HOMER2: variants seen among roughly 807,000 people sequenced by gnomAD.
HOMER2 encodes the protein homer scaffold protein 2.
A neutral mutation model predicts 47.0 loss-of-function variants in HOMER2; 27 were observed. That is an observed-to-expected ratio of 0.57 (90% CI 0.42 to 0.79). HOMER2 has a LOEUF of 0.79. Among genes scored for constraint, HOMER2 ranks in the 30% least tolerant of loss-of-function variants. The pLI, the probability that HOMER2 is intolerant of heterozygous loss-of-function variation, is 0.00. For synonymous variants in HOMER2, 161 were observed against 163.8 expected (o/e 0.98, Z 0.13); for missense variants, 443 against 435.0 (o/e 1.02, Z -0.16).
At chr15:82,842,512 C>T (rs1273582459) in exon 2 of HOMER2, 1 of 143,468 alleles carries the variant, frequency 7.0e-6, no homozygotes, top group Non-Finnish European at 1.5e-5. Flanking sequence ...TGGGGTTTCG[C>T]CATGTTATCC....
chr15:82,899,788 C>A (rs1416323487), intron 1 of HOMER2, among the ~76,000 whole-genome samples: 2 of 152,096 alleles, frequency 1.3e-5, no homozygotes, highest in Admixed American at 6.6e-5. Flanking sequence ...TTTAAGAGGC[C>A]AAGGTGGGCG....
chr15:82,864,789 G>T (rs907080097), intron 3 of HOMER2, among the ~76,000 whole-genome samples: 4 of 152,294 alleles, frequency 2.6e-5, no homozygotes, highest in Middle Eastern at 3.4e-3. Flanking sequence ...TATCTTAATA[G>T]TTCCATAATA....
At chr15:82,834,735 C>T (rs969865750), downstream of HOMER2, 1 of 152,506 alleles carries the variant, frequency 6.6e-6, no homozygotes, top group Admixed American at 6.5e-5. Context: ...ATTTGCAATG[C>T]ATTAGCATCA....
chr15:82,943,711 A>G (rs543019267), intron 1 of HOMER2, among the ~76,000 whole-genome samples: 2 of 152,352 alleles, frequency 1.3e-5, no homozygotes, highest in Admixed American at 1.3e-4. Context: ...ACCCACAGAC[A>G]AGATTACCCG....
At chr15:82,855,179 A>G (rs1302015107) in intron 5 of HOMER2, among the ~76,000 whole-genome samples, 1 of 152,036 alleles carries the variant, frequency 6.6e-6, no homozygotes, top group South Asian at 2.1e-4. Context: ...TACTAAAAAT[A>G]CAAAAAAATG....
At chr15:82,936,341 T>C (rs2054142966) in intron 1 of HOMER2, among the ~76,000 whole-genome samples, 1 of 152,236 alleles carries the variant, frequency 6.6e-6, no homozygotes. Context: ...TGGATCCATT[T>C]ACAGGTTGTG....
At chr15:82,900,341 T>C (rs2053074557) in intron 1 of HOMER2, among the ~76,000 whole-genome samples, 1 of 152,116 alleles carries the variant, frequency 6.6e-6, no homozygotes, top group Non-Finnish European at 1.5e-5. Context: ...CAAAAACTTC[T>C]GAGGCACACA....
intron 4 of HOMER2, 99 bp from the exon 5 acceptor site, chr15:82,859,234 A>G (rs2051693145): frequency 1.3e-6 from 2 of 1,579,152 alleles, no homozygotes; most frequent in Non-Finnish European, 1.7e-6. Flanking sequence ...GTTAGGCATA[A>G]TAAGAAACTT....
exon 2 of HOMER2, chr15:82,841,559 C>A (rs2051176517): frequency 6.6e-6 from 1 of 151,906 alleles, no homozygotes; most frequent in Non-Finnish European, 1.5e-5. Context: ...AAATAATGTA[C>A]AATATCAGCA....
At chr15:82,840,207 TAAG>T (rs1420365764) in exon 2 of HOMER2, 7 of 152,186 alleles carry the variant, frequency 4.6e-5, no homozygotes, top group East Asian at 3.9e-4. Flanking sequence ...GCATGTAACT[TAAG>T]AAGGTGGGAA....
At chr15:82,882,629 G>A (rs146407557) in intron 2 of HOMER2, among the ~76,000 whole-genome samples, 1 of 152,340 alleles carries the variant, frequency 6.6e-6, no homozygotes, top group East Asian at 1.9e-4. Flanking sequence ...TTCCTGAGAT[G>A]AGTAGCACCA....
chr15:82,953,800 G>A (rs1032953228), upstream of HOMER2, among the ~76,000 whole-genome samples: 6 of 152,106 alleles, frequency 3.9e-5, no homozygotes, highest in Admixed American at 3.9e-4. Flanking sequence ...CAAGAATCGC[G>A]TGAACCTGGA....
chr15:82,854,967 G>C (rs1261803027), intron 5 of HOMER2, among the ~76,000 whole-genome samples, 167 bp from the exon 6 acceptor site: 1 of 152,224 alleles, frequency 6.6e-6, no homozygotes, highest in Non-Finnish European at 1.5e-5. Context: ...CCAGGGCCAG[G>C]AGGGACTGGC....
chr15:82,840,662 C>T (rs1009786058), exon 2 of HOMER2: 7 of 152,004 alleles, frequency 4.6e-5, no homozygotes, highest in African/African-American at 1.7e-4. Flanking sequence ...TTGTGAACTC[C>T]TGGGCTCAAG....
chr15:82,851,943 G>C (rs2051409140), intron 7 of HOMER2, among the ~76,000 whole-genome samples, 199 bp downstream of exon 7: 1 of 152,176 alleles, frequency 6.6e-6, no homozygotes, highest in East Asian at 1.9e-4. Flanking sequence ...ATAGAACAGG[G>C]GTAACAGGGA....
chr15:82,955,105 G>T (rs1162763695), upstream of HOMER2, among the ~76,000 whole-genome samples: 1 of 151,164 alleles, frequency 6.6e-6, no homozygotes, highest in Non-Finnish European at 1.5e-5. Context: ...AAGCAGTACT[G>T]CTCATAACCT....
chr15:82,836,493 G>A (rs2051128695), downstream of HOMER2, among the ~76,000 whole-genome samples: 1 of 152,200 alleles, frequency 6.6e-6, no homozygotes, highest in South Asian at 2.1e-4. Context: ...TAAGTGCCTG[G>A]AATTCTCCCT....
At chr15:82,914,178 TACACAC>T (rs58323062) in intron 1 of HOMER2, among the ~76,000 whole-genome samples, 12,442 of 116,658 alleles carry the variant, frequency 0.11, 717 homozygotes, top group East Asian at 0.32. Flanking sequence ...CTACTAAAAA[TACACAC>T]ACACACACAC....
exon 2 of HOMER2, chr15:82,842,013 TTA>T (rs1191887480): frequency 2.4e-4 from 36 of 152,224 alleles, no homozygotes; most frequent in African/African-American, 7.7e-4. Flanking sequence ...ATTTTCTACA[TTA>T]TGTTTTTAAA....
Sources: allele counts gnomAD v4.1 joint callset (sites outside exome capture counted in the v4.1 genomes callset), GRCh38; gene constraint gnomAD v4.1.1; transcripts MANE v1.5; gene names NCBI Gene and HGNC (gene_info 2026-07-23, HGNC 2026-07-21).